The following DIP2A variants were observed in gnomAD, a reference collection of about 807,000 sequenced individuals.
The protein encoded by DIP2A is disco-interacting protein 2 homolog A.
DIP2A carries 85 observed loss-of-function variants against 177.4 expected under a neutral mutation model. The ratio of observed to expected loss-of-function variants is 0.48; its 90% CI spans 0.40 to 0.57. The LOEUF (loss-of-function observed/expected upper bound fraction) is 0.57. DIP2A is among the 20% of genes least tolerant of loss of function. DIP2A has a pLI of 0.00. For synonymous variants in DIP2A, 886 were observed against 881.8 expected (o/e 1.00, Z -0.08); for missense variants, 1,791 against 2,100.2 (o/e 0.85, Z 2.88).
rs1168153777 is a variant in DIP2A, at chr21:46,464,817, C to CT, written c.91+5622dup. Among the ~76,000 whole-genome samples the CT allele has an allele frequency of 3.7e-3, 269 of 73,420 alleles. 25 individuals carry two copies. The highest frequency in any genetic ancestry group is 0.016 in the South Asian group (29 of 1,870). 48.2% of individuals were successfully genotyped at this position (73,420 alleles called of 152,430 possible). A position where few individuals can be genotyped will look rare whatever the true frequency, so the allele number is the denominator to read the frequency against. The stretch of plus-strand genomic sequence containing the variant: ...TCTTCCTTTTTCTTAATATTCATGT[C>CT]TTTTTTTTTTTTTTTTTTTTTTTTT... On this transcript the variant is annotated intron_variant, in intron 1 of 37. Coordinates refer to ENST00000417564, the MANE Select transcript of DIP2A (RefSeq NM_015151.4).
chr21:46,508,302 C>T (rs1019940014), intron 6 of DIP2A, among the ~76,000 whole-genome samples: 3 of 151,642 alleles, frequency 2.0e-5, no homozygotes, highest in Non-Finnish European at 2.9e-5. Context: ...CCTTAGCTAA[C>T]CAAAGTGCTG....
chr21:46,482,347 C>T (rs531677109), intron 1 of DIP2A, among the ~76,000 whole-genome samples: 2 of 152,318 alleles, frequency 1.3e-5, no homozygotes, highest in South Asian at 4.1e-4. Flanking sequence ...AAAATTCTTA[C>T]CACCTAGTGA....
At chr21:46,533,687 G>A in intron 11 of DIP2A, 40 bp downstream of exon 11, 1 of 1,612,884 alleles carries the variant, frequency 6.2e-7, no homozygotes. Flanking sequence ...TGTTCTGACT[G>A]TGGTCTGTGT....
At chr21:46,514,626 T>G (rs1164445342) in intron 8 of DIP2A, among the ~76,000 whole-genome samples, 1 of 139,650 alleles carries the variant, frequency 7.2e-6, no homozygotes, top group Non-Finnish European at 1.5e-5. Context: ...TCTTTTTTTT[T>G]TTTTTTTTTT....
chr21:46,522,139 G>A (rs2058850773), intron 8 of DIP2A, among the ~76,000 whole-genome samples: 1 of 152,194 alleles, frequency 6.6e-6, no homozygotes, highest in African/African-American at 2.4e-5. Flanking sequence ...CTTTAAAACT[G>A]TCTTTATTTC....
In DIP2A at chr21:46,546,994, T is replaced by A. The variant is rs377302362; in HGVS notation, c.2474T>A (p.Val825Glu). The A allele has an allele frequency of 1.9e-6, 3 of 1,613,878 alleles. No homozygotes were observed. The South Asian group carries it at 3.3e-5, about 18-fold the overall frequency. ...GVRRHNADDV[V>E]ATALAVEPMK... ...CGCAGACACAATGCAGATGACGTTG[T>A]GGCCACCGCACTGGCCGTGGAGCCC... Residue 825 changes from valine (V) to glutamate (E), a missense_variant, in exon 21 of 38, where the codon GTG becomes GAG. Physicochemically the swap from Val to Glu is moderately radical, Grantham distance 121. Coordinates refer to ENST00000417564, the MANE Select transcript of DIP2A (RefSeq NM_015151.4).
intron 3 of DIP2A, among the ~76,000 whole-genome samples, chr21:46,491,460 G>A (rs1017505352): frequency 1.1e-4 from 16 of 152,038 alleles, no homozygotes; most frequent in African/African-American, 1.4e-4. Context: ...AGAAATATTC[G>A]AACAGATAAT....
chr21:46,492,604 G>A (rs2057077721), intron 3 of DIP2A, among the ~76,000 whole-genome samples: 1 of 152,140 alleles, frequency 6.6e-6, no homozygotes, highest in Non-Finnish European at 1.5e-5. Context: ...GGTCCTTTGG[G>A]AGGTAATTAG....
chr21:46,516,471 C>T (rs2058577359), intron 8 of DIP2A, among the ~76,000 whole-genome samples: 2 of 128,242 alleles, frequency 1.6e-5, no homozygotes, highest in African/African-American at 5.6e-5. Flanking sequence ...ATTCTTTAAT[C>T]TTGTCTTCTG....
Position 46,498,932 on chromosome 21 carries a change from CT to C in DIP2A, c.655+100del, listed in dbSNP as rs2057506926. 7 of 1,434,232 alleles carry C rather than the reference CT, an allele frequency of 4.9e-6. No individual in the cohort carries two copies. In the South Asian group the frequency reaches 8.8e-5, roughly 18 times the overall value. The allele number at this position is 1,434,232 out of a possible 1,614,324, so 88.8% of individuals were successfully genotyped here. Reference sequence around the variant, plus strand: ...GAGGGCACCTGAGCCAGGCGCCACCCTGCAGACTTAGCTGCAGGCCTGAGTG... The same window carrying C: ...GAGGGCACCTGAGCCAGGCGCCACCCGCAGACTTAGCTGCAGGCCTGAGTG... On this transcript the variant is annotated intron_variant, in intron 5 of 37. Transcript: ENST00000417564. The surrounding 1 kb of genome is among the most constrained non-coding windows in gnomAD (Gnocchi z 4.3).
chr21:46,531,252 A>G (rs1333255340), intron 9 of DIP2A, among the ~76,000 whole-genome samples: 3 of 152,126 alleles, frequency 2.0e-5, no homozygotes, highest in Non-Finnish European at 4.4e-5. Flanking sequence ...CCTCAGCAGC[A>G]GGGGACACTC....
At position 46,556,696 on chromosome 21, in the gene DIP2A, A is replaced by AT; in HGVS notation, c.3499-243_3499-242insT. The AT allele has an allele frequency of 4.2e-6, 2 of 476,442 alleles. No homozygotes were observed. The highest frequency in any genetic ancestry group is 7.3e-6 in the Non-Finnish European group (2 of 273,204). The allele number at this position is 476,442 out of a possible 1,614,324, so 29.5% of individuals were successfully genotyped here. ...AGACTCTGCCTCAAAAAAAAAAAAA[A>AT]GAAAAAAATTTTAAAAATTCATTAC... On this transcript the variant is annotated intron_variant, in intron 29 of 37. Coordinates refer to ENST00000417564, the MANE Select transcript of DIP2A (RefSeq NM_015151.4). The surrounding 1 kb of genome is among the most constrained non-coding windows in gnomAD (Gnocchi z 4.5).
At chr21:46,476,413 G>C (rs1477828179) in intron 1 of DIP2A, among the ~76,000 whole-genome samples, 1 of 152,096 alleles carries the variant, frequency 6.6e-6, no homozygotes, top group East Asian at 1.9e-4. Flanking sequence ...GTTGGCATCA[G>C]CATGACTCCA....
intron 20 of DIP2A, chr21:46,546,333 T>C: frequency 9.7e-7 from 1 of 1,034,348 alleles, no homozygotes; most frequent in Non-Finnish European, 1.2e-6. Context: ...TTCTCTCAAC[T>C]GGGCAATTTT....
intron 1 of DIP2A, among the ~76,000 whole-genome samples, chr21:46,470,904 G>A (rs796432577): frequency 1.4e-4 from 21 of 149,696 alleles, no homozygotes; most frequent in African/African-American, 5.0e-4. Flanking sequence ...ACTCCAGCCT[G>A]GGAAACGAGT....
At chr21:46,488,599 C>A (rs554834050) in intron 2 of DIP2A, among the ~76,000 whole-genome samples, 1 of 152,260 alleles carries the variant, frequency 6.6e-6, no homozygotes, top group South Asian at 2.1e-4. Context: ...TTATGTTCAA[C>A]CTCAGTGGTA....
At chr21:46,574,168 T>C (rs1287697034), downstream of DIP2A, among the ~76,000 whole-genome samples, 2 of 152,120 alleles carry the variant, frequency 1.3e-5, no homozygotes, top group South Asian at 2.1e-4. Context: ...CAAACTGGGA[T>C]AAAGTTAAAA....
intron 9 of DIP2A, 50 bp downstream of exon 9, chr21:46,529,233 A>G: frequency 9.1e-7 from 1 of 1,104,226 alleles, no homozygotes; most frequent in South Asian, 1.5e-5. Context: ...GCAGGGACTT[A>G]AATAATCTGT....
rs975096060 is a variant in DIP2A at position 46,498,349 on chromosome 21, T to A, written c.404-233T>A. Among the ~76,000 whole-genome samples the A allele has an allele frequency of 1.3e-5, 2 of 152,232 alleles. No individual in the cohort carries two copies. The highest frequency in any genetic ancestry group is 2.9e-5 in the Non-Finnish European group (2 of 68,006). Reference sequence around the variant, plus strand: ...TGTGTCTGGTACCCTGTGGCTGAGTTCTCTCTGGGGAGCTGGGGGCTCATG... The same window carrying A: ...TGTGTCTGGTACCCTGTGGCTGAGTACTCTCTGGGGAGCTGGGGGCTCATG... On this transcript the variant is annotated intron_variant, in intron 4 of 37. Coordinates refer to ENST00000417564, the MANE Select transcript of DIP2A (RefSeq NM_015151.4). This position sits in a 1 kb window ranked among gnomAD's most constrained non-coding sequence, Gnocchi z 4.3.
Sources: gnomAD v4.1 joint callset for allele counts (sites outside exome capture counted in the v4.1 genomes callset) on GRCh38, gnomAD v4.1.1 for gene constraint, Gnocchi (gnomAD v3.1) non-coding constraint, MANE v1.5 for transcripts, NCBI Gene and HGNC (gene_info 2026-07-23, HGNC 2026-07-21) for gene names.